RIMS2: variants seen among roughly 807,000 people sequenced by gnomAD.
RIMS2 encodes regulating synaptic membrane exocytosis 2, also known as regulating synaptic membrane exocytosis protein 2.
A neutral mutation model predicts 174.4 loss-of-function variants in RIMS2; 59 were observed. The ratio of observed to expected loss-of-function variants is 0.34; its 90% CI spans 0.27 to 0.42. RIMS2 has a LOEUF of 0.42. Among genes scored for constraint, RIMS2 ranks in the 10% least tolerant of loss-of-function variants. The pLI is 1.00. For synonymous variants in RIMS2, 606 were observed against 572.5 expected, an observed-to-expected ratio of 1.06 and a Z score of -0.84; for missense variants, 1,620 against 1,666.3, an observed-to-expected ratio of 0.97 and a Z score of 0.48.
chr8:103,803,742 C>A (rs2098631159), intron 3 of RIMS2, among the ~76,000 whole-genome samples: 1 of 152,158 alleles, frequency 6.6e-6, no homozygotes, highest in South Asian at 2.1e-4. Context: ...AGTAAATAAA[C>A]TGCCATGTTG....
chr8:104,206,587 G>T (rs1168592883), intron 19 of RIMS2, among the ~76,000 whole-genome samples: 1 of 152,206 alleles, frequency 6.6e-6, no homozygotes, highest in Non-Finnish European at 1.5e-5. Context: ...ACTGTTAAAT[G>T]AAGTAATTCT....
At position 103,652,359 on chromosome 8, in the gene RIMS2, A is replaced by G. The variant is rs1589732313; in HGVS notation, c.177-44727A>G. 7 of 547,898 alleles carry G rather than the reference A, an allele frequency of 1.3e-5. No individual in the cohort carries two copies. The East Asian group carries it at 3.3e-4, about 26-fold the overall frequency. The allele number at this position is 547,898 out of a possible 1,614,324, so 33.9% of individuals were successfully genotyped here. ...CAGCTAGTGTGTCTTCTGCTTTCTGACTCTCTGGCTTGTAAGAGAGCTGCT... is the reference window on the plus strand; with the variant it reads ...CAGCTAGTGTGTCTTCTGCTTTCTGGCTCTCTGGCTTGTAAGAGAGCTGCT... On this transcript the variant is annotated intron_variant, in intron 1 of 23. Transcript: ENST00000504942.
At chr8:103,834,738 T>C (rs559088542) in intron 3 of RIMS2, among the ~76,000 whole-genome samples, 2 of 129,398 alleles carry the variant, frequency 1.5e-5, no homozygotes, top group African/African-American at 6.4e-5. Flanking sequence ...CTTTCTTTCT[T>C]TCTTTCTCTC....
intron 1 of RIMS2, among the ~76,000 whole-genome samples, chr8:103,509,829 T>G (rs930300777): frequency 1.3e-5 from 2 of 152,238 alleles, no homozygotes; most frequent in South Asian, 4.1e-4. Context: ...AACTAACAAC[T>G]TTAATACAGT....
chr8:103,591,768 T>C lies in RIMS2; in HGVS notation c.176+90706T>C, dbSNP rs1307608039. ...TTCCACTGATCTATTTATTAATCCT[T>C]ATGTCAGTGCCACACTGCCTTAATT... On this transcript the variant is annotated intron_variant, in intron 1 of 23. Transcript: ENST00000504942. Among the ~76,000 whole-genome samples the C allele has an allele frequency of 2.0e-5, 3 of 151,180 alleles. No homozygotes were observed. The East Asian group carries it at 5.8e-4, about 29-fold the overall frequency.
chr8:104,072,185 AT>A (rs1204618106), intron 19 of RIMS2, among the ~76,000 whole-genome samples: 5 of 152,212 alleles, frequency 3.3e-5, no homozygotes, highest in Non-Finnish European at 5.9e-5. Context: ...TTCCTCTGAT[AT>A]GTCAAAGAGA....
At chr8:104,131,334 A>G (rs1198129597) in intron 19 of RIMS2, among the ~76,000 whole-genome samples, 1 of 152,166 alleles carries the variant, frequency 6.6e-6, no homozygotes, top group Non-Finnish European at 1.5e-5. Flanking sequence ...GATTGGTTGG[A>G]TAGAGAGAGT....
At chr8:104,037,045 A>T (rs2096532517) in intron 19 of RIMS2, among the ~76,000 whole-genome samples, 1 of 152,212 alleles carries the variant, frequency 6.6e-6, no homozygotes, top group Non-Finnish European at 1.5e-5. Context: ...ATTATTGGAA[A>T]TAATCAGTTT....
intron 19 of RIMS2, among the ~76,000 whole-genome samples, chr8:104,031,886 G>T (rs115443140): frequency 0.013 from 1,939 of 152,094 alleles, 52 homozygotes; most frequent in African/African-American, 0.045. Flanking sequence ...GTGTGGACTT[G>T]ATAGTGTGTA....
intron 2 of RIMS2, among the ~76,000 whole-genome samples, chr8:103,723,935 G>T (rs2097491232): frequency 6.6e-6 from 1 of 152,138 alleles, no homozygotes; most frequent in Non-Finnish European, 1.5e-5. Flanking sequence ...GGATGGCCTG[G>T]TGCTAGGGGA....
At chr8:103,981,428 G>A (rs1420340936) in intron 16 of RIMS2, among the ~76,000 whole-genome samples, 1 of 152,076 alleles carries the variant, frequency 6.6e-6, no homozygotes, top group African/African-American at 2.4e-5. Context: ...AAGAAGGATG[G>A]GCACAACAAG....
chr8:103,610,660 T>A lies in RIMS2; in HGVS notation c.177-86426T>A, dbSNP rs542587949. ...TGATTTGCATTTGTATAGCCAGTCTTGCATCCCACGGCTAAAACCAATTTG... is the reference window on the plus strand; with the variant it reads ...TGATTTGCATTTGTATAGCCAGTCTAGCATCCCACGGCTAAAACCAATTTG... On this transcript the variant is annotated intron_variant, in intron 1 of 23. Coordinates refer to ENST00000504942, the Ensembl canonical transcript of RIMS2. 4.6e-5 allele frequency among the ~76,000 whole-genome samples: 7 copies of A among 152,360 alleles called. No homozygotes were observed. The East Asian group carries it at 1.3e-3, about 29-fold the overall frequency.
chr8:103,718,793 A>AAGT (rs1346031300), intron 2 of RIMS2, among the ~76,000 whole-genome samples: 1 of 151,988 alleles, frequency 6.6e-6, no homozygotes, highest in Non-Finnish European at 1.5e-5. Flanking sequence ...TCAGCCTCCC[A>AAGT]AGTGGCTGGG....
intron 6 of RIMS2, among the ~76,000 whole-genome samples, chr8:103,915,199 A>T (rs2076429834): frequency 6.6e-6 from 1 of 152,116 alleles, no homozygotes; most frequent in Admixed American, 6.5e-5. Context: ...AAATGACAAA[A>T]GCAAGAATTC....
At chr8:103,721,530 T>G (rs1179985385) in intron 2 of RIMS2, among the ~76,000 whole-genome samples, 1 of 152,196 alleles carries the variant, frequency 6.6e-6, no homozygotes, top group African/African-American at 2.4e-5. Context: ...TAAAATGACT[T>G]TCAGTTTGGC....
At chr8:103,970,953 C>T (rs1406157625) in intron 15 of RIMS2, among the ~76,000 whole-genome samples, 1 of 152,082 alleles carries the variant, frequency 6.6e-6, no homozygotes, top group African/African-American at 2.4e-5. Context: ...TGTTAATGTT[C>T]TTTAAAGTAA....
chr8:103,587,322 T>C lies in RIMS2; in HGVS notation c.176+86260T>C, dbSNP rs1350757473. 2.0e-5 allele frequency among the ~76,000 whole-genome samples: 3 copies of C among 150,940 alleles called. No individual in the cohort carries two copies. The Admixed American group carries it at 2.0e-4, about 10-fold the overall frequency. ...GTTCTACTCAAATTATTTTGAAAAATAGAGGAGGAAAGAATACTTCCAAAC... is the reference window on the plus strand; with the variant it reads ...GTTCTACTCAAATTATTTTGAAAAACAGAGGAGGAAAGAATACTTCCAAAC... On this transcript the variant is annotated intron_variant, in intron 1 of 23. Transcript: ENST00000504942.
chr8:103,510,946 T>A (rs1461153523), intron 1 of RIMS2, among the ~76,000 whole-genome samples: 1 of 152,160 alleles, frequency 6.6e-6, no homozygotes, highest in East Asian at 1.9e-4. Flanking sequence ...GGATATATAT[T>A]TTTTTATAAA....
chr8:103,732,639 C>T (rs1473671897), intron 2 of RIMS2, among the ~76,000 whole-genome samples: 2 of 152,130 alleles, frequency 1.3e-5, no homozygotes, highest in Non-Finnish European at 2.9e-5. Flanking sequence ...ACTACTGCAG[C>T]TGAGCTTGTA....
Sources: gnomAD v4.1 joint callset for allele counts (sites outside exome capture counted in the v4.1 genomes callset) on GRCh38, gnomAD v4.1.1 for gene constraint, MANE v1.5 for transcripts, NCBI Gene and HGNC (gene_info 2026-07-23, HGNC 2026-07-21) for gene names.